Variants in PTK2 observed in about 807,000 individuals in gnomAD.
PTK2 encodes protein tyrosine kinase 2, also known as focal adhesion kinase 1.
A neutral mutation model predicts 150.1 loss-of-function variants in PTK2; 45 were observed. The ratio of observed to expected loss-of-function variants is 0.30; its 90% confidence interval spans 0.24 to 0.38. The LOEUF (loss-of-function observed/expected upper bound fraction) is 0.38. Among genes scored for constraint, PTK2 ranks in the 10% least tolerant of loss-of-function variants. The pLI, the probability that PTK2 is intolerant of heterozygous loss-of-function variation, is 1.00. For missense variants in PTK2, 919 were observed against 1,307.3 expected, an observed-to-expected ratio of 0.70 and a Z score of 4.58; for synonymous variants, 432 against 449.2, an observed-to-expected ratio of 0.96 and a Z score of 0.48.
At chr8:140,897,906 T>A (rs541570301) in intron 2 of PTK2, among the ~76,000 whole-genome samples, 7 of 152,352 alleles carry the variant, frequency 4.6e-5, no homozygotes, top group African/African-American at 1.7e-4. Flanking sequence ...TGCGGCCAAT[T>A]ACATTTTTAA....
At chr8:140,706,193 C>G (rs373360191) in exon 24 of PTK2, 2 of 1,612,822 alleles carry the variant, frequency 1.2e-6, no homozygotes, top group Non-Finnish European at 1.7e-6. Context: ...CTGGGATAAC[C>G]CGGTCTGCTG....
chr8:140,999,718 A>T (rs2100199240), intron 1 of PTK2, among the ~76,000 whole-genome samples: 1 of 152,210 alleles, frequency 6.6e-6, no homozygotes, highest in Non-Finnish European at 1.5e-5. Context: ...TCTCGAAGAC[A>T]TCATTTTCAT....
chr8:140,752,866 T>G (rs1445575885), intron 16 of PTK2, among the ~76,000 whole-genome samples: 1 of 152,082 alleles, frequency 6.6e-6, no homozygotes, highest in Non-Finnish European at 1.5e-5. Context: ...GAACAGTGTA[T>G]AGCGTGCTCA....
intron 12 of PTK2, among the ~76,000 whole-genome samples, chr8:140,796,380 T>C (rs899056364): frequency 7.2e-5 from 11 of 152,120 alleles, no homozygotes; most frequent in Admixed American, 1.3e-4. Flanking sequence ...AAAGTCCTGA[T>C]AGTTACGTTT....
chr8:140,752,292 T>C (rs778407602), exon 17 of PTK2: 8 of 1,614,016 alleles, frequency 5.0e-6, no homozygotes, highest in South Asian at 4.4e-5. Flanking sequence ...CATGTTTTAA[T>C]TGCAACCGCC....
At chr8:140,851,279 G>A (rs2100129142) in intron 5 of PTK2, among the ~76,000 whole-genome samples, 1 of 152,092 alleles carries the variant, frequency 6.6e-6, no homozygotes, top group Non-Finnish European at 1.5e-5. Flanking sequence ...CTACCTTAAT[G>A]AGTTATATAC....
At chr8:140,926,523 C>T (rs545894018) in intron 1 of PTK2, among the ~76,000 whole-genome samples, 2 of 152,198 alleles carry the variant, frequency 1.3e-5, no homozygotes, top group Non-Finnish European at 2.9e-5. Flanking sequence ...AAATAAGCTG[C>T]TCTTATCCCC....
At chr8:140,815,345 ATAAGGGAAGCT>A (rs2100104089) in intron 10 of PTK2, among the ~76,000 whole-genome samples, 1 of 152,154 alleles carries the variant, frequency 6.6e-6, no homozygotes, top group Non-Finnish European at 1.5e-5. Context: ...GCTCCCACTT[ATAAGGGAAGCT>A]AAAAGATGAG....
intron 5 of PTK2, among the ~76,000 whole-genome samples, chr8:140,856,004 T>C (rs1473938240): frequency 6.6e-6 from 1 of 152,138 alleles, no homozygotes; most frequent in Non-Finnish European, 1.5e-5. Flanking sequence ...CAATACATAT[T>C]GTACAAAAAG....
At chr8:140,664,561 T>C (rs2086910608) in intron 31 of PTK2, among the ~76,000 whole-genome samples, 1 of 152,232 alleles carries the variant, frequency 6.6e-6, no homozygotes, top group African/African-American at 2.4e-5. Context: ...AGCATTCTTC[T>C]ACCTTTTAGG....
chr8:140,730,281 C>A (rs919700439), intron 22 of PTK2, among the ~76,000 whole-genome samples: 2 of 152,260 alleles, frequency 1.3e-5, no homozygotes, highest in East Asian at 1.9e-4. Flanking sequence ...TAGAAGTATA[C>A]AAATTTCCAC....
intron 10 of PTK2, 68 bp downstream of exon 10, chr8:140,818,209 G>T: frequency 7.4e-7 from 1 of 1,348,296 alleles, no homozygotes; most frequent in South Asian, 1.2e-5. Flanking sequence ...CCAAAAGAAT[G>T]CCCCATTTCC....
rs546809197 is a variant in PTK2 at position 140,803,138 on chromosome 8, G to A, written c.975+405C>T. 9.5e-5 allele frequency among the ~76,000 whole-genome samples: 14 copies of A among 147,164 alleles called. No homozygotes were observed. In the East Asian group the frequency reaches 1.5e-3, roughly 15 times the overall value. On this transcript the variant is annotated intron_variant, in intron 11 of 31. Coordinates refer to ENST00000522684, the Ensembl canonical transcript of PTK2. ...CAAGAGATTCTTGTGCCTCAGCCTC[G>A]CAAGTAGCTGGGATTACAGGTGTGC...
Position 140,837,499 on chromosome 8 carries a change from C to T in PTK2, c.594-6973G>A, listed in dbSNP as rs543360439. On this transcript the variant is annotated intron_variant, in intron 7 of 31. Transcript: ENST00000522684. ...ATCCCAGCACTTTGGGAGGCCAACG[C>T]GGGTGGATCACTTGAGGTCAGGCAT... 5.3e-5 allele frequency among the ~76,000 whole-genome samples: 8 copies of T among 152,084 alleles called. 1 individual carries two copies. The highest frequency in any genetic ancestry group is 1.9e-4 in the African/African-American group (8 of 41,460).
At chr8:140,770,661 T>C in intron 14 of PTK2, 55 bp downstream of exon 15, 2 of 953,482 alleles carry the variant, frequency 2.1e-6, no homozygotes, top group Non-Finnish European at 2.8e-6. Context: ...TTAGAGTTAG[T>C]TTCTCTGGAG....
intron 16 of PTK2, among the ~76,000 whole-genome samples, chr8:140,753,642 T>G (rs958452836): frequency 6.6e-6 from 1 of 152,022 alleles, no homozygotes; most frequent in Non-Finnish European, 1.5e-5. Flanking sequence ...ACCAAGAAAA[T>G]GTGTTGCTCT....
chr8:140,843,800 C>G (rs557765866), intron 7 of PTK2, among the ~76,000 whole-genome samples: 3 of 151,738 alleles, frequency 2.0e-5, no homozygotes, highest in East Asian at 3.9e-4. Flanking sequence ...CTATTAATAT[C>G]TTGCATTACT....
intron 1 of PTK2, among the ~76,000 whole-genome samples, chr8:140,994,133 TTTAA>T (rs1569547766): frequency 6.6e-6 from 1 of 152,220 alleles, no homozygotes; most frequent in Non-Finnish European, 1.5e-5. Flanking sequence ...TTAAATAAAA[TTTAA>T]TTAAACATTG....
intron 26 of PTK2, among the ~76,000 whole-genome samples, chr8:140,694,133 T>C (rs4073554): frequency 0.5 from 74,933 of 150,422 alleles, 18,782 homozygotes; most frequent in Non-Finnish European, 0.52. Context: ...CTCCGCCTCC[T>C]GGGTTCACGC....
Sources: gnomAD v4.1 joint callset for allele counts (sites outside exome capture counted in the v4.1 genomes callset) on GRCh38, gnomAD v4.1.1 for gene constraint, MANE v1.5 for transcripts, NCBI Gene and HGNC (gene_info 2026-07-23, HGNC 2026-07-21) for gene names.